Variants in ZNG1C observed in about 807,000 individuals in gnomAD.
The protein encoded by ZNG1C is zinc-regulated GTPase metalloprotein activator 1C.
chr9:68,247,403 C>CT, the ZNG1C span, among the ~76,000 whole-genome samples: 1 of 150,430 alleles, frequency 6.6e-6, no homozygotes, highest in African/African-American at 2.5e-5. Context: ...TAGGATGTGT[C>CT]TTTTTCAGGG....
chr9:68,274,127 C>T, the ZNG1C span: 5 of 151,424 alleles, frequency 3.3e-5, no homozygotes, highest in Non-Finnish European at 4.4e-5. Flanking sequence ...CAGGCGTGAG[C>T]CACCGCGCCC....
chr9:68,257,971 A>G, the ZNG1C span, among the ~76,000 whole-genome samples: 1 of 135,354 alleles, frequency 7.4e-6, no homozygotes, highest in Non-Finnish European at 1.6e-5. Context: ...TGTTATCAGC[A>G]TATATTCAGA....
At chr9:68,268,485 A>G in the ZNG1C span, among the ~76,000 whole-genome samples, 1 of 150,924 alleles carries the variant, frequency 6.6e-6, no homozygotes, top group Non-Finnish European at 1.5e-5. Flanking sequence ...GGCTGGGGGC[A>G]AAGCAACTTA....
chr9:68,290,746 A>C, the ZNG1C span, among the ~76,000 whole-genome samples: 2 of 140,646 alleles, frequency 1.4e-5, no homozygotes, highest in African/African-American at 2.8e-5. Context: ...TTTGCTGTAT[A>C]TTTTTATGTG....
chr9:68,284,189 CA>C, the ZNG1C span, among the ~76,000 whole-genome samples: 1 of 150,426 alleles, frequency 6.6e-6, no homozygotes, highest in Non-Finnish European at 1.5e-5. Context: ...CTCCTGGCCT[CA>C]AGTGATTCTC....
chr9:68,272,454 G>T, the ZNG1C span: 31 of 60,036 alleles, frequency 5.2e-4, no homozygotes, highest in South Asian at 9.6e-4. Context: ...TTTTTTTCTT[G>T]GCGATTTTAA....
chr9:68,276,051 C>T, the ZNG1C span, among the ~76,000 whole-genome samples: 1 of 152,180 alleles, frequency 6.6e-6, no homozygotes, highest in South Asian at 2.1e-4. Context: ...TCTCTGATGG[C>T]CAGTGATGGT....
chr9:68,296,653 A>C, the ZNG1C span, among the ~76,000 whole-genome samples: 1 of 152,068 alleles, frequency 6.6e-6, no homozygotes, highest in Admixed American at 6.6e-5. Context: ...GCTTTAGTAT[A>C]TTATTTTCTA....
chr9:68,256,357 C>T, the ZNG1C span, among the ~76,000 whole-genome samples: 7 of 145,508 alleles, frequency 4.8e-5, no homozygotes, highest in Admixed American at 4.2e-4. Context: ...TCCTAAGACC[C>T]AGGTTTTATA....
chr9:68,267,191 G>C, the ZNG1C span, among the ~76,000 whole-genome samples: 1 of 152,264 alleles, frequency 6.6e-6, no homozygotes, highest in East Asian at 1.9e-4. Context: ...CTACTGACTA[G>C]ATTTTCAATC....
the ZNG1C span, chr9:68,299,257 T>A: frequency 6.5e-7 from 1 of 1,527,736 alleles, no homozygotes; most frequent in Non-Finnish European, 8.8e-7. Flanking sequence ...CGTAAAAGCT[T>A]GTTAGGACTT....
At chr9:68,249,128 T>G in the ZNG1C span, 15 of 594,274 alleles carry the variant, frequency 2.5e-5, no homozygotes, top group Non-Finnish European at 4.1e-5. Flanking sequence ...GAAGTTTTAT[T>G]GATTGATTTA....
the ZNG1C span, among the ~76,000 whole-genome samples, chr9:68,290,321 C>A: frequency 9.9e-6 from 1 of 101,394 alleles, no homozygotes; most frequent in African/African-American, 4.0e-5. Flanking sequence ...GTAATCCTAG[C>A]GCTTTGACAG....
chr9:68,268,466 C>CT, the ZNG1C span, among the ~76,000 whole-genome samples: 2 of 150,724 alleles, frequency 1.3e-5, no homozygotes, highest in Admixed American at 1.3e-4. Flanking sequence ...ACTGTGAATA[C>CT]TAAGGACAGG....
the ZNG1C span, among the ~76,000 whole-genome samples, chr9:68,290,191 C>T: frequency 7.0e-6 from 1 of 143,198 alleles, no homozygotes; most frequent in Non-Finnish European, 1.5e-5. Context: ...ATTTTTAAAG[C>T]CTTTTTTGTC....
At chr9:68,272,483 A>T in the ZNG1C span, 1 of 59,490 alleles carries the variant, frequency 1.7e-5, no homozygotes, top group Non-Finnish European at 3.8e-5. Flanking sequence ...AAAAGATCTC[A>T]TGGTTTTATC....
At chr9:68,288,682 A>T in the ZNG1C span, among the ~76,000 whole-genome samples, 2 of 100,978 alleles carry the variant, frequency 2.0e-5, no homozygotes, top group East Asian at 2.6e-4. Context: ...TTTAGTAAAG[A>T]TGGGGTTTCA....
the ZNG1C span, among the ~76,000 whole-genome samples, chr9:68,294,075 TG>T: frequency 6.6e-6 from 1 of 152,122 alleles, no homozygotes; most frequent in East Asian, 1.9e-4. Context: ...TGCTCCTGGA[TG>T]ATCTTTGGGT....
At chr9:68,290,935 A>G in the ZNG1C span, among the ~76,000 whole-genome samples, 4 of 151,630 alleles carry the variant, frequency 2.6e-5, no homozygotes, top group Non-Finnish European at 4.4e-5. Context: ...ACTGCATAAG[A>G]TTACGATGGA....
Sources: gnomAD v4.1 joint callset for allele counts (sites outside exome capture counted in the v4.1 genomes callset) on GRCh38, gnomAD v4.1.1 for gene constraint, MANE v1.5 for transcripts, NCBI Gene and HGNC (gene_info 2026-07-23, HGNC 2026-07-21) for gene names.